Variants in LDB3 observed in about 807,000 individuals in gnomAD.
LDB3 encodes the protein LIM domain-binding protein 3.
LDB3 carries 49 observed loss-of-function variants against 69.0 expected under a neutral mutation model. The observed-to-expected ratio is 0.71, with a 90% CI of 0.56 to 0.90. The LOEUF (loss-of-function observed/expected upper bound fraction) is 0.90, where lower values mean the gene tolerates loss of function less well. Ranked by LOEUF, LDB3 falls within the 40% of genes least tolerant of loss-of-function variation. LDB3 has a pLI of 0.00. For synonymous variants in LDB3, 387 were observed against 396.2 expected, an observed-to-expected ratio of 0.98 and a Z score of 0.28; for missense variants, 928 against 974.1, an observed-to-expected ratio of 0.95 and a Z score of 0.63.
At chr10:86,697,554 T>C (rs1165343548) in intron 7 of LDB3, among the ~76,000 whole-genome samples, 43 of 135,088 alleles carry the variant, frequency 3.2e-4, no homozygotes, top group East Asian at 2.2e-3. Flanking sequence ...TCTTTCTTTT[T>C]TTTTTTTTTT....
At chr10:86,675,976 C>T (rs900779483) in intron 2 of LDB3, among the ~76,000 whole-genome samples, 1 of 152,198 alleles carries the variant, frequency 6.6e-6, no homozygotes, top group Non-Finnish European at 1.5e-5. Flanking sequence ...CTTTCCTTCA[C>T]TGATGTTGGT....
chr10:86,707,250 T>C (rs1846479669), intron 8 of LDB3, among the ~76,000 whole-genome samples: 1 of 152,062 alleles, frequency 6.6e-6, no homozygotes. Context: ...GCACCTGGTA[T>C]AGTGGGATTT....
At chr10:86,669,626 G>T (rs1003757591) in intron 2 of LDB3, among the ~76,000 whole-genome samples, 1 of 152,232 alleles carries the variant, frequency 6.6e-6, no homozygotes, top group African/African-American at 2.4e-5. Flanking sequence ...TAGGCACTCC[G>T]TCAGTTTCTG....
chr10:86,674,655 T>A (rs1026147753), intron 2 of LDB3, among the ~76,000 whole-genome samples: 6 of 151,952 alleles, frequency 3.9e-5, no homozygotes, highest in African/African-American at 1.5e-4. Flanking sequence ...AATGAAACAC[T>A]CATTCAAGGG....
intron 9 of LDB3, among the ~76,000 whole-genome samples, chr10:86,711,560 C>G (rs982201965): frequency 1.4e-4 from 22 of 152,090 alleles, no homozygotes; most frequent in East Asian, 1.4e-3. Flanking sequence ...CCCGAGCCCC[C>G]CTCCGCTCCC....
At chr10:86,718,876 G>A in intron 12 of LDB3, 29 bp downstream of exon 12, 2 of 1,613,436 alleles carry the variant, frequency 1.2e-6, no homozygotes, top group Middle Eastern at 1.6e-4. Context: ...CATGTGGGGA[G>A]GCCCCACAGC....
chr10:86,713,417 G>C (rs764191584), intron 9 of LDB3, among the ~76,000 whole-genome samples: 18 of 152,068 alleles, frequency 1.2e-4, no homozygotes, highest in Admixed American at 2.6e-4. Flanking sequence ...CCGGCTACTA[G>C]AAGTTTTAGT....
At chr10:86,704,545 G>A (rs1005844989) in intron 7 of LDB3, among the ~76,000 whole-genome samples, 2 of 151,082 alleles carry the variant, frequency 1.3e-5, no homozygotes, top group Admixed American at 6.6e-5. Flanking sequence ...GAGTAGCTGG[G>A]ATTACAGGCA....
chr10:86,700,964 G>A (rs12267313), intron 7 of LDB3, among the ~76,000 whole-genome samples: 26 of 152,358 alleles, frequency 1.7e-4, no homozygotes, highest in African/African-American at 4.6e-4. Context: ...GCTAGCCAGA[G>A]CTCTGCGCCC....
chr10:86,675,562 G>A (rs979296110), intron 2 of LDB3, among the ~76,000 whole-genome samples: 14 of 152,254 alleles, frequency 9.2e-5, no homozygotes, highest in East Asian at 7.7e-4. Flanking sequence ...GTGCCCTGCC[G>A]TGAGAGAGCC....
Position 86,699,503 on chromosome 10 carries a change from G to A in LDB3, c.896+6932G>A, listed in dbSNP as rs1704453961. 2.6e-6 allele frequency: 4 copies of A among 1,532,400 alleles called. No homozygotes were observed. Among genetic ancestry groups the A allele is most frequent in the South Asian group, 1.2e-5 (1 of 83,524 alleles). The allele number at this position is 1,532,400 out of a possible 1,614,324, so 94.9% of individuals were successfully genotyped here. On this transcript the variant is annotated intron_variant, in intron 7 of 13. Coordinates refer to ENST00000361373, the MANE Select transcript of LDB3 (RefSeq NM_007078.3). The surrounding 1 kb of genome is among the most constrained non-coding windows in gnomAD (Gnocchi z 4.9). ...AACTCTGCTGGGGGCACCTCTGATG[G>A]CCAACCGCAGCATTTCTGTCCTCTG...
At chr10:86,732,820 A>T in intron 13 of LDB3, 67 bp from the exon 14 acceptor site, 1 of 1,353,950 alleles carries the variant, frequency 7.4e-7, no homozygotes, top group Non-Finnish European at 1.0e-6. Flanking sequence ...TTTTCTTAAA[A>T]AAGTGATTGA....
chr10:86,717,994 T>C lies in LDB3; in HGVS notation c.1707T>C (p.Ser569=). 1.2e-6 allele frequency: 2 copies of C among 1,614,228 alleles called. No homozygotes were observed. The highest frequency in any genetic ancestry group is 2.2e-5 in the East Asian group (1 of 44,890). Residue 569 remains serine, a synonymous_variant, in exon 11 of 14, where the codon TCT becomes TCC. Transcript: ENST00000361373. The part of the protein sequence containing the change: ...RGPFLVAMGR[S]WHPEEFTCAY... ...CATTTCTGGTAGCCATGGGCCGTTC[T>C]TGGCACCCTGAAGAGTTCACCTGTG...
At chr10:86,716,243 G>C in intron 9 of LDB3, 84 bp from the exon 10 acceptor site, 1 of 1,500,332 alleles carries the variant, frequency 6.7e-7, no homozygotes, top group Non-Finnish European at 9.3e-7. Context: ...GTCACCTTTT[G>C]CATTTCTCTG....
intron 5 of LDB3, among the ~76,000 whole-genome samples, chr10:86,691,199 C>G (rs1845743927): frequency 6.6e-6 from 1 of 152,214 alleles, no homozygotes; most frequent in Non-Finnish European, 1.5e-5. Context: ...GTGCCAGACC[C>G]TGGGAGCCTA....
intron 7 of LDB3, among the ~76,000 whole-genome samples, chr10:86,697,214 A>ATTTT (rs1846036233): frequency 2.0e-5 from 2 of 99,150 alleles, no homozygotes; most frequent in African/African-American, 7.9e-5. Flanking sequence ...CTAGCAATTC[A>ATTTT]CTTTTTTTTT....
intron 9 of LDB3, among the ~76,000 whole-genome samples, chr10:86,714,306 G>A (rs1381644191): frequency 6.6e-6 from 1 of 152,094 alleles, no homozygotes; most frequent in African/African-American, 2.4e-5. Flanking sequence ...CCTTCATGTT[G>A]AAAATGACTC....
chr10:86,718,738 T>A lies in LDB3; in HGVS notation c.1869T>A (p.His623Gln). 6.2e-7 allele frequency: 1 copy of A among 1,614,200 alleles called. No individual in the cohort carries two copies. Among genetic ancestry groups the A allele is most frequent in the Non-Finnish European group, 8.5e-7 (1 of 1,180,020 alleles). Residue 623 changes from histidine to glutamine, a missense_variant, in exon 12 of 14, where the codon CAT becomes CAA. By Grantham distance (24) the His-to-Gln change is conservative (BLOSUM62 0). Coordinates refer to ENST00000361373, the MANE Select transcript of LDB3 (RefSeq NM_007078.3). Reference protein sequence around the residue: ...CNTKIMGEVMHALRQTWHTTC... With the variant: ...CNTKIMGEVMQALRQTWHTTC... ...GCTCTTTCCCCCAGGAAGTAATGCATGCCTTGAGACAGACATGGCACACCA... is the reference window on the plus strand; with the variant it reads ...GCTCTTTCCCCCAGGAAGTAATGCAAGCCTTGAGACAGACATGGCACACCA...
At chr10:86,681,868 G>A in intron 5 of LDB3, 65 bp downstream of exon 5, 1 of 1,491,694 alleles carries the variant, frequency 6.7e-7, no homozygotes, top group Non-Finnish European at 9.0e-7. Context: ...GTGCTCGGCA[G>A]AGACCTGGTC....
Sources: gnomAD v4.1 joint callset for allele counts (sites outside exome capture counted in the v4.1 genomes callset) on GRCh38, gnomAD v4.1.1 for gene constraint, Gnocchi (gnomAD v3.1) non-coding constraint, MANE v1.5 for transcripts, NCBI Gene and HGNC (gene_info 2026-07-23, HGNC 2026-07-21) for gene names.